MTCL1: variants seen among roughly 807,000 people sequenced by gnomAD.
MTCL1 encodes the protein microtubule cross-linking factor 1.
Under a neutral mutation model 141.4 loss-of-function variants are expected in MTCL1, and 79 were observed. That is an observed-to-expected ratio of 0.56 (90% CI 0.47 to 0.67). MTCL1 has a LOEUF of 0.67. Ranked by LOEUF, MTCL1 falls within the 30% of genes least tolerant of loss-of-function variation. MTCL1 has a pLI of 0.00. For missense variants in MTCL1, 2,177 were observed against 2,113.9 expected (o/e 1.03, Z -0.59); for synonymous variants, 914 against 875.8 (o/e 1.04, Z -0.77).
chr18:8,721,161 T>G (rs555658374), intron 4 of MTCL1, among the ~76,000 whole-genome samples: 3 of 152,344 alleles, frequency 2.0e-5, no homozygotes. Context: ...TAAAGCTGAG[T>G]GTTTTCTTGG....
At chr18:8,827,143 G>A (rs79364848) in intron 15 of MTCL1, among the ~76,000 whole-genome samples, 4,341 of 152,312 alleles carry the variant, frequency 0.029, 87 homozygotes, top group South Asian at 0.098. Context: ...AGCACTCTCC[G>A]AGCCAGGCTG....
chr18:8,831,631 C>G (rs2077194731), exon 17 of MTCL1: 2 of 1,550,602 alleles, frequency 1.3e-6, no homozygotes, highest in Non-Finnish European at 1.7e-6. Context: ...TGCACTAGCT[C>G]CATCCCTAGA....
chr18:8,805,404 C>T (rs1886045668), intron 10 of MTCL1, among the ~76,000 whole-genome samples: 1 of 152,202 alleles, frequency 6.6e-6, no homozygotes, highest in Admixed American at 6.5e-5. Context: ...TAATGGCCTC[C>T]AGCTGCAACC....
chr18:8,817,274 A>G (rs1334409362), intron 12 of MTCL1, among the ~76,000 whole-genome samples: 1 of 28,890 alleles, frequency 3.5e-5, no homozygotes, highest in Non-Finnish European at 9.4e-5. Context: ...TTTTTTTTTT[A>G]AAGAAAGCAG....
At chr18:8,766,341 G>A (rs558037790) in intron 4 of MTCL1, among the ~76,000 whole-genome samples, 6 of 151,866 alleles carry the variant, frequency 4.0e-5, no homozygotes, top group East Asian at 3.9e-4. Flanking sequence ...ATGAGTTGTC[G>A]GAGGTCTGGG....
chr18:8,730,123 C>A (rs1048218324), intron 4 of MTCL1, among the ~76,000 whole-genome samples: 1 of 152,114 alleles, frequency 6.6e-6, no homozygotes, highest in Non-Finnish European at 1.5e-5. Flanking sequence ...GTGTTTGGGT[C>A]TGTTTCTGGG....
intron 12 of MTCL1, among the ~76,000 whole-genome samples, chr18:8,814,606 A>G (rs1367629740): frequency 6.6e-6 from 1 of 152,228 alleles, no homozygotes; most frequent in African/African-American, 2.4e-5. Flanking sequence ...GAAAATGGCC[A>G]CTAATTTATT....
upstream of MTCL1, among the ~76,000 whole-genome samples, chr18:8,715,044 C>T (rs1598366570): frequency 6.6e-6 from 1 of 152,204 alleles, no homozygotes; most frequent in Non-Finnish European, 1.5e-5. Flanking sequence ...GATCCGCCCG[C>T]CTCGGCCTCC....
intron 4 of MTCL1, among the ~76,000 whole-genome samples, chr18:8,751,959 G>A (rs1252200353): frequency 1.3e-5 from 2 of 152,164 alleles, no homozygotes; most frequent in Non-Finnish European, 2.9e-5. Context: ...TTGAATGTTT[G>A]TTCAGAATTT....
chr18:8,710,718 A>G (rs1395046665), intron 1 of MTCL1, among the ~76,000 whole-genome samples: 1 of 151,480 alleles, frequency 6.6e-6, no homozygotes, highest in Non-Finnish European at 1.5e-5. Context: ...TGTTTGTAGC[A>G]TAAAGGAGCA....
In MTCL1 at chr18:8,783,514, T is replaced by C; in HGVS notation, c.418-16T>C. On this transcript the variant is annotated splice_polypyrimidine_tract_variant and intron_variant, in intron 5 of 16. Transcript: ENST00000359865. Reference sequence around the variant, plus strand: ...TTTTCAAATAACCCTTCTCCCGGGCTGTTCTCTCCTGGCAGGATGACAGTG... The same window carrying C: ...TTTTCAAATAACCCTTCTCCCGGGCCGTTCTCTCCTGGCAGGATGACAGTG... 1.3e-6 allele frequency: 2 copies of C among 1,577,262 alleles called. No individual in the cohort carries two copies. The highest frequency in any genetic ancestry group is 1.7e-6 in the Non-Finnish European group (2 of 1,156,166).
intron 7 of MTCL1, chr18:8,786,825 C>T (rs1381080867): frequency 1.8e-5 from 3 of 167,866 alleles, no homozygotes; most frequent in African/African-American, 4.7e-5. Context: ...AATGTCTTGC[C>T]ATTGGGGACT....
chr18:8,784,769 C>G, exon 6 of MTCL1: 1 of 1,614,086 alleles, frequency 6.2e-7, no homozygotes, highest in South Asian at 1.1e-5. Context: ...CTCTAGCTTC[C>G]TCTCCACTGT....
chr18:8,788,293 A>C (rs1226858697), intron 7 of MTCL1, among the ~76,000 whole-genome samples: 1 of 152,110 alleles, frequency 6.6e-6, no homozygotes, highest in Admixed American at 6.6e-5. Context: ...TTTTGCCCTC[A>C]GGCCAACCAC....
rs1216863060 is a variant in MTCL1 at position 8,783,811 on chromosome 18, TGGCCTCAA to T, written c.703_710del (p.Leu235ArgfsTer29). 1 of 1,613,240 alleles carries T rather than the reference TGGCCTCAA, an allele frequency of 6.2e-7. No individual in the cohort carries two copies. The highest frequency in any genetic ancestry group is 8.5e-7 in the Non-Finnish European group (1 of 1,179,960). On this transcript the variant is annotated frameshift_variant, in exon 6 of 17. Transcript: ENST00000359865. LOFTEE classifies it high-confidence loss of function. The stretch of plus-strand genomic sequence containing the variant: ...TCGTGGAGCTGGAGGTGGAGAACCG[TGGCCTCAA>T]GGCAGAGATGGAGGACATGCGGGGC...
chr18:8,759,752 A>C (rs368099854), intron 4 of MTCL1, among the ~76,000 whole-genome samples: 2 of 152,174 alleles, frequency 1.3e-5, no homozygotes, highest in Non-Finnish European at 2.9e-5. Flanking sequence ...ATTATAATAG[A>C]TTTCCTGTTT....
intron 4 of MTCL1, among the ~76,000 whole-genome samples, chr18:8,757,323 G>T (rs1303022822): frequency 6.6e-6 from 1 of 152,082 alleles, no homozygotes; most frequent in Non-Finnish European, 1.5e-5. Context: ...CAGTTCCCTG[G>T]AAACATAGGA....
At chr18:8,756,475 GTATATGTGTGTATATATGTA>G (rs1450807269) in intron 4 of MTCL1, among the ~76,000 whole-genome samples, 6 of 147,728 alleles carry the variant, frequency 4.1e-5, no homozygotes, top group East Asian at 1.9e-4. Context: ...GTATATGTGT[GTATATGTGTGTATATATGTA>G]TATATGTGTG....
In MTCL1 at chr18:8,831,776, C is replaced by A. The variant is rs763670304; in HGVS notation, c.*188C>A. The stretch of plus-strand genomic sequence containing the variant: ...TTGGAGGAGCATGGTGGCGAGGAGC[C>A]GCCCGAGGAGCAGCCACACCGAGAT... On this transcript the variant is annotated 3_prime_UTR_variant, in exon 17 of 17. Transcript: ENST00000359865. The A allele has an allele frequency of 2.6e-6, 4 of 1,549,408 alleles. No homozygotes were observed. The African/African-American group carries it at 5.5e-5, about 21-fold the overall frequency.
Sources: allele counts gnomAD v4.1 joint callset (sites outside exome capture counted in the v4.1 genomes callset), GRCh38; gene constraint gnomAD v4.1.1; transcripts MANE v1.5; gene names NCBI Gene and HGNC (gene_info 2026-07-23, HGNC 2026-07-21).